The following ZFR2 variants were observed in gnomAD, a reference collection of about 807,000 sequenced individuals.
ZFR2 encodes zinc finger RNA binding protein 2, also known as zinc finger RNA-binding protein 2.
In ZFR2, 104 loss-of-function variants were observed where a neutral mutation model predicts 105.7. The observed-to-expected ratio is 0.98, with a 90% CI of 0.84 to 1.16. ZFR2 has a LOEUF of 1.16. ZFR2 is among the 50% of genes most tolerant of loss of function. The probability of loss-of-function intolerance (pLI) is 0.00; values close to 1 mark genes in which losing one functional copy is unlikely to be tolerated. For missense variants in ZFR2, 1,425 were observed against 1,355.5 expected, an observed-to-expected ratio of 1.05 and a Z score of -0.80; for synonymous variants, 634 against 597.7, an observed-to-expected ratio of 1.06 and a Z score of -0.89.
In ZFR2 at chr19:3,820,209, C is replaced by T. The variant is rs777173713; in HGVS notation, c.1713G>A (p.Pro571=). The part of the protein sequence containing the change: ...DWAQPLLMGR[P]ESPASAPLQP... The stretch of plus-strand genomic sequence containing the variant: ...GGAGTGGGGCGCTGGCGGGTGACTC[C>T]GGCCTGCCCATGAGCAGAGGCTGGG... The change falls in exon 11 of 19, where the codon CCG becomes CCA. Residue 571 remains proline, a synonymous_variant. Coordinates refer to ENST00000262961, the MANE Select transcript of ZFR2 (RefSeq NM_015174.2). 33 of 1,552,148 alleles carry T rather than the reference C, an allele frequency of 2.1e-5. No homozygotes were observed. The highest frequency in any genetic ancestry group is 7.8e-5 in the Admixed American group (4 of 51,150).
intron 1 of ZFR2, among the ~76,000 whole-genome samples, chr19:3,860,140 C>T (rs1162122357): frequency 6.6e-6 from 1 of 152,032 alleles, no homozygotes; most frequent in Non-Finnish European, 1.5e-5. Context: ...AAGTGACCCT[C>T]CCGCCTCATC....
At chr19:3,863,862 C>A (rs905635540) in intron 1 of ZFR2, among the ~76,000 whole-genome samples, 1 of 152,166 alleles carries the variant, frequency 6.6e-6, no homozygotes, top group Middle Eastern at 3.2e-3. Flanking sequence ...CCAGTGACTG[C>A]CCCCAAGCCT....
chr19:3,860,231 G>T (rs181021175), intron 1 of ZFR2, among the ~76,000 whole-genome samples: 2 of 149,534 alleles, frequency 1.3e-5, no homozygotes, highest in African/African-American at 5.0e-5. Flanking sequence ...GATGGGGGGG[G>T]TCTCACTATG....
intron 1 of ZFR2, among the ~76,000 whole-genome samples, chr19:3,847,806 C>T (rs1231198932): frequency 2.0e-5 from 3 of 152,152 alleles, no homozygotes; most frequent in Non-Finnish European, 2.9e-5. Flanking sequence ...ACACCACCCA[C>T]AAGGCACTAA....
intron 9 of ZFR2, 112 bp downstream of exon 9, chr19:3,821,969 C>T: frequency 7.0e-7 from 1 of 1,435,366 alleles, no homozygotes; most frequent in Non-Finnish European, 9.2e-7. Context: ...ACCCCTCCCT[C>T]TTAAGTTCGT....
intron 17 of ZFR2, 56 bp downstream of exon 17, chr19:3,808,816 C>CCCTG (rs1411801561): frequency 7.0e-7 from 1 of 1,427,196 alleles, no homozygotes; most frequent in Non-Finnish European, 9.4e-7. Flanking sequence ...TGGCCACGGG[C>CCCTG]CCTGGTCTCT....
intron 1 of ZFR2, among the ~76,000 whole-genome samples, chr19:3,842,749 G>A (rs1305335375): frequency 1.3e-5 from 2 of 151,556 alleles, no homozygotes; most frequent in Non-Finnish European, 2.9e-5. Context: ...TCAGCCTGTC[G>A]AGTAGCTGGG....
Position 3,825,301 on chromosome 19 carries a change from CCA to C in ZFR2, c.1140_1141del (p.Gly381ProfsTer27). 6.3e-7 allele frequency: 1 copy of C among 1,580,454 alleles called. No individual in the cohort carries two copies. On this transcript the variant is annotated frameshift_variant, in exon 7 of 19. Transcript: ENST00000262961. LOFTEE classifies it high-confidence loss of function. ...CCTGCTCGAGGCACACACGCTGGGG[CCA>C]GTGGGGGACGTGGGCTTGGCCTCTG...
chr19:3,850,624 C>T (rs62133045), intron 1 of ZFR2, among the ~76,000 whole-genome samples: 22,694 of 151,612 alleles, frequency 0.15, 2,057 homozygotes, highest in East Asian at 0.26. Context: ...GCTCACACCT[C>T]TAATCCCAGC....
In ZFR2 at chr19:3,869,018, C is replaced by A; in HGVS notation, c.-1G>T. On this transcript the variant is annotated 5_prime_UTR_variant, in exon 1 of 19. Transcript: ENST00000262961. ...AGTCGAAATACTGACTCGTCGCCATCTTGGCGTCTTCCCCGAGCCTGGCGG... is the reference window on the plus strand; with the variant it reads ...AGTCGAAATACTGACTCGTCGCCATATTGGCGTCTTCCCCGAGCCTGGCGG... 2 of 1,366,518 alleles carry A rather than the reference C, an allele frequency of 1.5e-6. No individual in the cohort carries two copies. Among genetic ancestry groups the A allele is most frequent in the South Asian group, 1.8e-5 (1 of 55,324 alleles). 84.6% of individuals were successfully genotyped at this position (1,366,518 alleles called of 1,614,324 possible).
chr19:3,846,300 G>A (rs1203768976), intron 1 of ZFR2, among the ~76,000 whole-genome samples: 1 of 152,168 alleles, frequency 6.6e-6, no homozygotes, highest in African/African-American at 2.4e-5. Flanking sequence ...ATTTTTGATC[G>A]GCAGTTGGTT....
At chr19:3,833,247 TCAAA>T (rs2038038218) in intron 3 of ZFR2, among the ~76,000 whole-genome samples, 8 of 101,556 alleles carry the variant, frequency 7.9e-5, no homozygotes, top group African/African-American at 1.2e-4. Context: ...AGACTCCGTC[TCAAA>T]AAAAAAAAAA....
At chr19:3,843,547 T>A (rs2038155065) in intron 1 of ZFR2, among the ~76,000 whole-genome samples, 2 of 145,462 alleles carry the variant, frequency 1.4e-5, no homozygotes, top group African/African-American at 5.1e-5. Flanking sequence ...AGAAAACAAG[T>A]CCTGGCCGGG....
Position 3,858,492 on chromosome 19 carries a change from C to T in ZFR2, c.53+10473G>A, listed in dbSNP as rs905531550. 2.0e-5 allele frequency among the ~76,000 whole-genome samples: 3 copies of T among 152,320 alleles called. No individual in the cohort carries two copies. Among genetic ancestry groups the T allele is most frequent in the Middle Eastern group, 6.8e-3 (2 of 294 alleles). ...GTGGAAATAAAGATTTTCCTGGAAT[C>T]ACAGGCTGAGAAATGTCATCATTCT... is the stretch of plus-strand genomic sequence containing the variant. On this transcript the variant is annotated intron_variant, in intron 1 of 18. Coordinates refer to ENST00000262961, the MANE Select transcript of ZFR2 (RefSeq NM_015174.2). The surrounding 1 kb of genome is among the most constrained non-coding windows in gnomAD (Gnocchi z 4.3).
Position 3,838,164 on chromosome 19 carries a change from T to G in ZFR2, c.54-3181A>C, listed in dbSNP as rs1035311757. Among the ~76,000 whole-genome samples the G allele has an allele frequency of 3.5e-5, 5 of 144,798 alleles. No individual in the cohort carries two copies. The East Asian group carries it at 1.0e-3, about 29-fold the overall frequency. 95.0% of individuals were successfully genotyped at this position (144,798 alleles called of 152,430 possible). A position where few individuals can be genotyped will look rare whatever the true frequency, so the allele number is the denominator to read the frequency against. On this transcript the variant is annotated intron_variant, in intron 1 of 18. Transcript: ENST00000262961. This position sits in a 1 kb window ranked among gnomAD's most constrained non-coding sequence, Gnocchi z 4.9. The stretch of plus-strand genomic sequence containing the variant: ...ACAATGAACACCGTGACTGTGACAC[T>G]CGATGAACACCATGACCGTGACACC...
chr19:3,833,248 CAAAAAA>C (rs1206859994), intron 3 of ZFR2, among the ~76,000 whole-genome samples: 1 of 75,264 alleles, frequency 1.3e-5, no homozygotes, highest in Non-Finnish European at 3.0e-5. Context: ...GACTCCGTCT[CAAAAAA>C]AAAAAAAAAA....
At chr19:3,846,453 G>A (rs1003618750) in intron 1 of ZFR2, among the ~76,000 whole-genome samples, 41 of 152,270 alleles carry the variant, frequency 2.7e-4, no homozygotes, top group African/African-American at 7.9e-4. Flanking sequence ...CATGGTGAGC[G>A]GGACAGAACA....
rs370022880 is a variant in ZFR2 at position 3,811,310 on chromosome 19, C to G, written c.2299G>C (p.Glu767Gln). 5.8e-5 allele frequency: 93 copies of G among 1,604,982 alleles called. No individual in the cohort carries two copies. The highest frequency in any genetic ancestry group is 7.4e-5 in the Non-Finnish European group (87 of 1,176,470). ...GDVLSPKKCL[E>Q]SLAALRHARW... ...GCATGACGGAGGGCGGCCAGGGACT[C>G]GAGGCACTTCTTGGGGCTCAGGACA... Residue 767 changes from glutamate to glutamine, a missense_variant, in exon 15 of 19, where the codon GAG (glutamate) becomes CAG (glutamine). Transcript: ENST00000262961.
chr19:3,830,481 G>A (rs1429090183), intron 5 of ZFR2, among the ~76,000 whole-genome samples: 1 of 152,076 alleles, frequency 6.6e-6, no homozygotes. Context: ...AAAGAAGGCC[G>A]GGGTCTCTCC....
Sources: allele counts gnomAD v4.1 joint callset (sites outside exome capture counted in the v4.1 genomes callset), GRCh38; gene constraint gnomAD v4.1.1; non-coding constraint Gnocchi (gnomAD v3.1); transcripts MANE v1.5; gene names NCBI Gene and HGNC (gene_info 2026-07-23, HGNC 2026-07-21).